Variants in FAM53A observed in about 807,000 individuals in gnomAD.
The protein encoded by FAM53A is family with sequence similarity 53 member A.
Under a neutral mutation model 26.6 loss-of-function variants are expected in FAM53A, and 28 were observed. That is an observed-to-expected ratio of 1.05 (90% CI 0.78 to 1.45). The LOEUF is 1.45. FAM53A is among the 40% of genes most tolerant of loss of function. The pLI is 0.00. For synonymous variants in FAM53A, 290 were observed against 253.1 expected (o/e 1.15, Z -1.38); for missense variants, 650 against 575.8 (o/e 1.13, Z -1.32).
At chr4:1,671,098 C>A (rs1714612288) in intron 1 of FAM53A, among the ~76,000 whole-genome samples, 3 of 148,226 alleles carry the variant, frequency 2.0e-5, no homozygotes, top group East Asian at 2.0e-4. Context: ...GGACTCACCT[C>A]TGTCCCAGCG....
the FAM53A span, among the ~76,000 whole-genome samples, chr4:1,595,858 G>C: frequency 6.6e-6 from 1 of 152,204 alleles, no homozygotes; most frequent in Non-Finnish European, 1.5e-5. Context: ...TGTGCTGTCA[G>C]AGGAGAGTCC....
the FAM53A span, among the ~76,000 whole-genome samples, chr4:1,611,895 C>T: frequency 3.3e-5 from 5 of 152,218 alleles, no homozygotes; most frequent in African/African-American, 7.2e-5. Flanking sequence ...TTCCTTGACC[C>T]GTGCCTGGCA....
At chr4:1,668,283 G>A (rs1046057669) in intron 2 of FAM53A, among the ~76,000 whole-genome samples, 5 of 152,032 alleles carry the variant, frequency 3.3e-5, no homozygotes, top group African/African-American at 1.2e-4. Context: ...GGGACTACAG[G>A]CGCCTGCTAC....
At chr4:1,657,547 A>G in intron 2 of FAM53A, 79 bp from the exon 3 acceptor site, 1 of 1,182,904 alleles carries the variant, frequency 8.5e-7, no homozygotes. Context: ...TCATCACTGC[A>G]GCACGTTCTA....
chr4:1,588,830 T>C, the FAM53A span, among the ~76,000 whole-genome samples: 2 of 152,244 alleles, frequency 1.3e-5, no homozygotes, highest in African/African-American at 2.4e-5. Context: ...TGGACAATGA[T>C]ACAATGATCT....
In FAM53A at chr4:1,655,551, C is replaced by T. The variant is rs1713289739; in HGVS notation, c.309G>A (p.Val103=). 6.4e-7 allele frequency: 1 copy of T among 1,569,446 alleles called. No individual in the cohort carries two copies. Among genetic ancestry groups the T allele is most frequent in the Non-Finnish European group, 8.6e-7 (1 of 1,157,350 alleles). The change falls in exon 4 of 5, where the codon GTG becomes GTA. Residue 103 remains valine, a synonymous_variant. Coordinates refer to ENST00000308132, the MANE Select transcript of FAM53A (RefSeq NM_001174070.3). The part of the protein sequence containing the change: ...PGAGLGAAST[V]DPSESTGSST... ...ACGAGCCTGTGCTTTCACTGGGGTC[C>T]ACGGTGCTGGCTGCACCCAGGCCTG...
intron 4 of FAM53A, among the ~76,000 whole-genome samples, chr4:1,642,085 G>A (rs1224667285): frequency 6.6e-6 from 1 of 152,134 alleles, no homozygotes; most frequent in African/African-American, 2.4e-5. Flanking sequence ...GAGGCCCTGT[G>A]GTGGCTCTGT....
At chr4:1,599,321 C>A in the FAM53A span, among the ~76,000 whole-genome samples, 141 of 152,182 alleles carry the variant, frequency 9.3e-4, 1 homozygote, top group African/African-American at 3.1e-3. The surrounding 1 kb of genome is among the most constrained non-coding windows in gnomAD (Gnocchi z 6.1). Flanking sequence ...CAACTCCGCC[C>A]GGTACTTGGC....
At chr4:1,676,024 G>A (rs1715018427) in intron 1 of FAM53A, among the ~76,000 whole-genome samples, 1 of 152,238 alleles carries the variant, frequency 6.6e-6, no homozygotes, top group Non-Finnish European at 1.5e-5. Flanking sequence ...CTCCAAAAAG[G>A]CACCAAAGCA....
chr4:1,580,582 CTA>C, the FAM53A span, among the ~76,000 whole-genome samples: 4 of 148,472 alleles, frequency 2.7e-5, no homozygotes, highest in Non-Finnish European at 3.0e-5. Context: ...GCCCCGCCTC[CTA>C]CCTCGGGCCC....
the FAM53A span, among the ~76,000 whole-genome samples, chr4:1,579,179 C>G: frequency 1.3e-5 from 2 of 149,658 alleles, no homozygotes; most frequent in African/African-American, 4.9e-5. Flanking sequence ...CCCCTGCCCC[C>G]CCTGCCCTCC....
At chr4:1,577,723 T>C in the FAM53A span, among the ~76,000 whole-genome samples, 10 of 152,352 alleles carry the variant, frequency 6.6e-5, no homozygotes, top group South Asian at 2.1e-4. Flanking sequence ...CTCTTGTTAA[T>C]TGGCCTATCT....
intron 1 of FAM53A, among the ~76,000 whole-genome samples, chr4:1,673,208 G>C (rs1714804332): frequency 6.6e-6 from 1 of 152,168 alleles, no homozygotes; most frequent in Admixed American, 6.5e-5. Context: ...AGACTGGAGG[G>C]GGTCCCAATG....
intron 1 of FAM53A, among the ~76,000 whole-genome samples, chr4:1,628,987 G>A (rs958371124): frequency 2.6e-5 from 4 of 151,856 alleles, no homozygotes; most frequent in South Asian, 2.1e-4. Context: ...TTAAATCCAC[G>A]ATGAGTCCCC....
At chr4:1,672,799 T>A (rs1714776882) in intron 1 of FAM53A, among the ~76,000 whole-genome samples, 1 of 145,490 alleles carries the variant, frequency 6.9e-6, no homozygotes, top group Admixed American at 7.0e-5. Flanking sequence ...AGGCAGAGTC[T>A]TTCTCCATCG....
downstream of FAM53A, among the ~76,000 whole-genome samples, chr4:1,617,118 G>T (rs1032176185): frequency 2.6e-5 from 2 of 76,090 alleles, no homozygotes; most frequent in African/African-American, 1.1e-4. Context: ...GGCAACAGAG[G>T]GAGACTCCAT....
At chr4:1,595,071 G>A in the FAM53A span, among the ~76,000 whole-genome samples, 1 of 152,198 alleles carries the variant, frequency 6.6e-6, no homozygotes, top group African/African-American at 2.4e-5. Flanking sequence ...AAGCACCATG[G>A]GACCCAGCCA....
chr4:1,602,983 A>G, the FAM53A span, among the ~76,000 whole-genome samples: 2 of 152,104 alleles, frequency 1.3e-5, no homozygotes, highest in African/African-American at 4.8e-5. Context: ...CCTGTCCTCC[A>G]TCCTCTCCCA....
chr4:1,664,409 A>G (rs1433519132), intron 2 of FAM53A, among the ~76,000 whole-genome samples: 1 of 152,124 alleles, frequency 6.6e-6, no homozygotes, highest in Non-Finnish European at 1.5e-5. Context: ...TCCACACAGA[A>G]CCTCATACAT....
Sources: allele counts gnomAD v4.1 joint callset (sites outside exome capture counted in the v4.1 genomes callset), GRCh38; gene constraint gnomAD v4.1.1; non-coding constraint Gnocchi (gnomAD v3.1); transcripts MANE v1.5; gene names NCBI Gene and HGNC (gene_info 2026-07-23, HGNC 2026-07-21).